B3GALT1: variants seen among roughly 807,000 people sequenced by gnomAD.
The protein encoded by B3GALT1 is UDP-Gal:betaGlcNAc beta 1,3-galactosyltransferase, polypeptide 1.
A neutral mutation model predicts 23.2 loss-of-function variants in B3GALT1; 10 were observed. The observed-to-expected ratio is 0.43, with a 90% CI of 0.27 to 0.73. B3GALT1 has a LOEUF of 0.73. Among genes scored for constraint, B3GALT1 ranks in the 30% least tolerant of loss-of-function variants. The pLI is 0.21. For missense variants in B3GALT1, 299 were observed against 405.4 expected (o/e 0.74, Z 2.25); for synonymous variants, 156 against 141.5 (o/e 1.10, Z -0.73).
chr2:167,659,578 T>C (rs1686020081), intron 3 of B3GALT1, among the ~76,000 whole-genome samples: 1 of 152,116 alleles, frequency 6.6e-6, no homozygotes, highest in Non-Finnish European at 1.5e-5. Context: ...TTTCATGTGG[T>C]TTGTGGACAG....
At chr2:167,807,573 C>G (rs1202446802) in intron 3 of B3GALT1, among the ~76,000 whole-genome samples, 1 of 151,768 alleles carries the variant, frequency 6.6e-6, no homozygotes, top group East Asian at 1.9e-4. Flanking sequence ...TCGTTATGTA[C>G]CCAGTAGTCA....
chr2:167,613,924 A>T (rs1399299043), intron 2 of B3GALT1, among the ~76,000 whole-genome samples: 4 of 151,814 alleles, frequency 2.6e-5, no homozygotes, highest in Admixed American at 2.6e-4. Flanking sequence ...TTCCCTTGAC[A>T]TTATAATCTA....
intron 1 of B3GALT1, among the ~76,000 whole-genome samples, chr2:167,361,383 T>C (rs1559075168): frequency 6.6e-6 from 1 of 152,140 alleles, no homozygotes; most frequent in African/African-American, 2.4e-5. Flanking sequence ...AAGAAAATTC[T>C]CAATAAATTA....
At chr2:167,604,934 C>T (rs921583245) in intron 2 of B3GALT1, among the ~76,000 whole-genome samples, 2 of 152,212 alleles carry the variant, frequency 1.3e-5, no homozygotes, top group African/African-American at 2.4e-5. Context: ...CAAATATATT[C>T]TCTGTCCTGC....
At chr2:167,831,349 C>A (rs1275697820) in intron 4 of B3GALT1, among the ~76,000 whole-genome samples, 1 of 152,184 alleles carries the variant, frequency 6.6e-6, no homozygotes, top group South Asian at 2.1e-4. Context: ...GGAGAGGATT[C>A]AGTGTTCATA....
chr2:167,572,100 T>A (rs564887254), intron 2 of B3GALT1, among the ~76,000 whole-genome samples: 1 of 151,854 alleles, frequency 6.6e-6, no homozygotes, highest in African/African-American at 2.4e-5. Flanking sequence ...AAGTCAATAA[T>A]AAGCATAAAT....
intron 1 of B3GALT1, among the ~76,000 whole-genome samples, chr2:167,342,245 T>A (rs1697158794): frequency 6.6e-6 from 1 of 151,894 alleles, no homozygotes; most frequent in Non-Finnish European, 1.5e-5. Context: ...CGAAGAAAAG[T>A]CAAAAGATCT....
chr2:167,759,503 C>T (rs778164856), intron 3 of B3GALT1, among the ~76,000 whole-genome samples: 6 of 151,962 alleles, frequency 3.9e-5, no homozygotes, highest in Non-Finnish European at 2.9e-5. Flanking sequence ...TGAAGGATAG[C>T]GATGTATTTT....
At chr2:167,859,717 A>T (rs902252756) in intron 4 of B3GALT1, among the ~76,000 whole-genome samples, 5 of 152,186 alleles carry the variant, frequency 3.3e-5, no homozygotes, top group Admixed American at 2.0e-4. Flanking sequence ...ATTGCAAATG[A>T]GTAAGTTGGG....
intron 2 of B3GALT1, among the ~76,000 whole-genome samples, chr2:167,572,363 T>C (rs2105401002): frequency 6.6e-6 from 1 of 151,942 alleles, no homozygotes; most frequent in East Asian, 1.9e-4. Context: ...AACCTCCACT[T>C]TTTAAAGTTA....
intron 2 of B3GALT1, among the ~76,000 whole-genome samples, chr2:167,518,242 A>C (rs10497325): frequency 0.022 from 3,347 of 152,242 alleles, 51 homozygotes; most frequent in African/African-American, 0.039. Context: ...ACCATATTCT[A>C]ACCAATTTAG....
chr2:167,870,251 G>T lies in B3GALT1; in HGVS notation c.*231G>T. The T allele has an allele frequency of 2.4e-6, 1 of 409,384 alleles. No homozygotes were observed. Among genetic ancestry groups the T allele is most frequent in the Non-Finnish European group, 4.5e-6 (1 of 222,566 alleles). The allele number at this position is 409,384 out of a possible 1,614,324, so 25.4% of individuals were successfully genotyped here. A position where few individuals can be genotyped will look rare whatever the true frequency, so the allele number is the denominator to read the frequency against. Reference sequence around the variant, plus strand: ...ATTTCATTCTCAGTCCCAGAGCATTGCTATTTATCTCAAAAAGTGACTTCC... The same window carrying T: ...ATTTCATTCTCAGTCCCAGAGCATTTCTATTTATCTCAAAAAGTGACTTCC... On this transcript the variant is annotated 3_prime_UTR_variant, in exon 5 of 5. Transcript: ENST00000392690.
At chr2:167,580,520 A>G (rs1408755006) in intron 2 of B3GALT1, among the ~76,000 whole-genome samples, 1 of 152,126 alleles carries the variant, frequency 6.6e-6, no homozygotes, top group Non-Finnish European at 1.5e-5. Context: ...AGCCCCAATG[A>G]GAAACTGTAT....
chr2:167,395,564 C>T (rs904535563), intron 1 of B3GALT1, among the ~76,000 whole-genome samples: 2 of 151,964 alleles, frequency 1.3e-5, no homozygotes, highest in African/African-American at 2.4e-5. Context: ...CCAAAGAAAC[C>T]GATTTCAGAC....
intron 3 of B3GALT1, among the ~76,000 whole-genome samples, chr2:167,763,270 G>A (rs973515537): frequency 6.6e-6 from 1 of 152,176 alleles, no homozygotes; most frequent in African/African-American, 2.4e-5. Flanking sequence ...ATTCATGAAA[G>A]TAAAGATCAG....
At chr2:167,351,363 C>A (rs1188299125) in intron 1 of B3GALT1, among the ~76,000 whole-genome samples, 1 of 151,654 alleles carries the variant, frequency 6.6e-6, no homozygotes. Flanking sequence ...TTTGTACAAT[C>A]TTTCTTACAA....
In B3GALT1 at chr2:167,665,169, T is replaced by C. The variant is rs568637407; in HGVS notation, c.-352+18203T>C. 7.3e-5 allele frequency among the ~76,000 whole-genome samples: 11 copies of C among 151,046 alleles called. No homozygotes were observed. In the South Asian group the frequency reaches 2.3e-3, roughly 32 times the overall value. ...CCTAATTTATTGAGAGTTTTTAGCA[T>C]GAAGCGTTGTTGAATTTTGTCAAAG... On this transcript the variant is annotated intron_variant, in intron 3 of 4. Coordinates refer to ENST00000392690, the MANE Select transcript of B3GALT1 (RefSeq NM_020981.4).
rs367663516 is a variant in B3GALT1, at chr2:167,435,908, A to G, written c.-510-54269A>G. 4.2e-4 allele frequency among the ~76,000 whole-genome samples: 64 copies of G among 151,334 alleles called. 1 individual carries two copies. Among genetic ancestry groups the G allele is most frequent in the African/African-American group, 1.4e-3 (57 of 41,280 alleles). ...TGGGTATGAATTTCTCTGTCTTTCTATCTTGATCTCTGCTTTTCTCCATGT... is the reference window on the plus strand; with the variant it reads ...TGGGTATGAATTTCTCTGTCTTTCTGTCTTGATCTCTGCTTTTCTCCATGT... On this transcript the variant is annotated intron_variant, in intron 1 of 4. Coordinates refer to ENST00000392690, the MANE Select transcript of B3GALT1 (RefSeq NM_020981.4).
intron 1 of B3GALT1, among the ~76,000 whole-genome samples, chr2:167,432,925 C>A (rs1698726643): frequency 6.6e-6 from 1 of 152,160 alleles, no homozygotes; most frequent in Non-Finnish European, 1.5e-5. Flanking sequence ...CCTACATTGA[C>A]ACATGAATAT....
Sources: gnomAD v4.1 joint callset for allele counts (sites outside exome capture counted in the v4.1 genomes callset) on GRCh38, gnomAD v4.1.1 for gene constraint, MANE v1.5 for transcripts, NCBI Gene and HGNC (gene_info 2026-07-23, HGNC 2026-07-21) for gene names.